Variants in EMP2 observed in about 807,000 individuals in gnomAD.
The protein encoded by EMP2 is epithelial membrane protein 2.
In EMP2, 19 loss-of-function variants were observed where a neutral mutation model predicts 13.7. That is an observed-to-expected ratio of 1.38 (90% CI 0.97 to 2.03). The LOEUF (loss-of-function observed/expected upper bound fraction) is 2.03. EMP2 is among the 30% of genes most tolerant of loss of function. The pLI, the probability that EMP2 is intolerant of heterozygous loss-of-function variation, is 0.00. For missense variants in EMP2, 253 were observed against 220.7 expected (o/e 1.15, Z -0.93); for synonymous variants, 97 against 84.7 (o/e 1.15, Z -0.80).
Position 10,567,579 on chromosome 16 carries a change from C to G in EMP2, c.-61+12970G>C, listed in dbSNP as rs1433770774. ...CCACAGCCCAGGGAGGGCCAGGAAG[C>G]TCAAGGTAAGGCCAGGTGTGGAGGG... On this transcript the variant is annotated intron_variant, in intron 1 of 4. Coordinates refer to ENST00000359543, the MANE Select transcript of EMP2 (RefSeq NM_001424.6). Among the ~76,000 whole-genome samples, 12 of 152,294 alleles carry G rather than the reference C, an allele frequency of 7.9e-5. No homozygotes were observed. The East Asian group carries it at 2.1e-3, about 27-fold the overall frequency.
intron 1 of EMP2, among the ~76,000 whole-genome samples, chr16:10,555,517 A>G (rs1301595609): frequency 2.0e-5 from 3 of 152,176 alleles, no homozygotes; most frequent in Non-Finnish European, 2.9e-5. Context: ...AGAAGATAAC[A>G]GAACCAAAAG....
In EMP2 at chr16:10,530,227, G is replaced by A. The variant is rs1596364827; in HGVS notation, c.*2678C>T. Reference sequence around the variant, plus strand: ...CTCCAAACTTCATGATGGCAGGGAGGATATCTGGATTTGCTCACCCCTGTA... The same window carrying A: ...CTCCAAACTTCATGATGGCAGGGAGAATATCTGGATTTGCTCACCCCTGTA... On this transcript the variant is annotated 3_prime_UTR_variant, in exon 5 of 5. Transcript: ENST00000359543. 6.6e-6 allele frequency: 1 copy of A among 152,234 alleles called. No individual in the cohort carries two copies. The highest frequency in any genetic ancestry group is 2.4e-5 in the African/African-American group (1 of 41,432). 9.4% of individuals were successfully genotyped at this position (152,234 alleles called of 1,614,324 possible).
chr16:10,566,345 G>A (rs1473947940), intron 1 of EMP2, among the ~76,000 whole-genome samples: 1 of 152,110 alleles, frequency 6.6e-6, no homozygotes. Context: ...AATACCCCCT[G>A]CCCCTAAAGT....
chr16:10,548,110 C>T (rs1009183248), intron 1 of EMP2, among the ~76,000 whole-genome samples: 2 of 152,140 alleles, frequency 1.3e-5, no homozygotes, highest in African/African-American at 2.4e-5. Context: ...CGCCTGGAGA[C>T]TTTACTGGAC....
Position 10,529,287 on chromosome 16 carries a change from A to G in EMP2, c.*3618T>C, listed in dbSNP as rs1487663193. On this transcript the variant is annotated 3_prime_UTR_variant, in exon 5 of 5. Coordinates refer to ENST00000359543, the MANE Select transcript of EMP2 (RefSeq NM_001424.6). ...ATTTTGTTGTTGTTATTGTTCTTGA[A>G]TAACTGGTAATAAGCACCAAGTGAG... is the stretch of plus-strand genomic sequence containing the variant. The G allele has an allele frequency of 6.6e-6, 1 of 152,214 alleles. No homozygotes were observed. Among genetic ancestry groups the G allele is most frequent in the Non-Finnish European group, 1.5e-5 (1 of 68,044 alleles). The allele number at this position is 152,214 out of a possible 1,614,324, so 9.4% of individuals were successfully genotyped here.
intron 1 of EMP2, among the ~76,000 whole-genome samples, chr16:10,568,351 T>C (rs529125532): frequency 6.6e-6 from 1 of 152,264 alleles, no homozygotes; most frequent in African/African-American, 2.4e-5. Flanking sequence ...CACCAATATA[T>C]GTATTTTATA....
rs1007025909 is a variant in EMP2, at chr16:10,531,811, C to T, written c.*1094G>A. On this transcript the variant is annotated 3_prime_UTR_variant, in exon 5 of 5. Transcript: ENST00000359543. ...TGAATGGTGGATGGGTCCTCTGAGG[C>T]TCTAGAAATAGGGGTGAGAGGCCAG... The T allele has an allele frequency of 6.5e-5, 10 of 154,646 alleles. No homozygotes were observed. The highest frequency in any genetic ancestry group is 2.2e-4 in the African/African-American group (9 of 41,410). The allele number at this position is 154,646 out of a possible 1,614,324, so 9.6% of individuals were successfully genotyped here.
At chr16:10,539,678 GA>G (rs1398275294) in intron 3 of EMP2, among the ~76,000 whole-genome samples, 1 of 152,086 alleles carries the variant, frequency 6.6e-6, no homozygotes, top group Non-Finnish European at 1.5e-5. Flanking sequence ...GAGCCCTTAA[GA>G]AGCCTGCGTT....
intron 1 of EMP2, chr16:10,578,052 G>C (rs752697838): frequency 6.6e-6 from 1 of 150,558 alleles, no homozygotes; most frequent in African/African-American, 2.5e-5. Flanking sequence ...GCAGTCCAGC[G>C]CCAGCCCATC....
chr16:10,550,105 C>T (rs1325333667), intron 1 of EMP2, among the ~76,000 whole-genome samples: 1 of 151,984 alleles, frequency 6.6e-6, no homozygotes, highest in African/African-American at 2.4e-5. Flanking sequence ...AGGCTGGTCT[C>T]GAACTCCTGA....
Position 10,532,958 on chromosome 16 carries a change from C to CA in EMP2, c.450_451insT (p.Ala151CysfsTer49). The CA allele has an allele frequency of 6.2e-7, 1 of 1,608,078 alleles. No homozygotes were observed. Among genetic ancestry groups the CA allele is most frequent in the Non-Finnish European group, 8.5e-7 (1 of 1,177,168 alleles). ...ATCATGCCGCTGATGAAGGTGCAGGCGAAGGCCACCCACGCCAGGATGTAG... is the reference window on the plus strand; with the variant it reads ...ATCATGCCGCTGATGAAGGTGCAGGCAGAAGGCCACCCACGCCAGGATGTAG... On this transcript the variant is annotated frameshift_variant, in exon 5 of 5. Coordinates refer to ENST00000359543, the MANE Select transcript of EMP2 (RefSeq NM_001424.6). LOFTEE classifies it high-confidence loss of function.
chr16:10,539,459 C>A (rs915093017), intron 3 of EMP2, among the ~76,000 whole-genome samples: 3 of 152,128 alleles, frequency 2.0e-5, no homozygotes, highest in African/African-American at 7.2e-5. Flanking sequence ...ATGACACACA[C>A]CACATGACCC....
intron 1 of EMP2, among the ~76,000 whole-genome samples, chr16:10,563,009 T>C (rs2050883327): frequency 6.6e-6 from 1 of 151,984 alleles, no homozygotes. Flanking sequence ...AGCATGAGAG[T>C]GAGGTTGATG....
intron 1 of EMP2, among the ~76,000 whole-genome samples, chr16:10,567,769 C>T (rs2050918051): frequency 6.6e-6 from 1 of 152,204 alleles, no homozygotes; most frequent in South Asian, 2.1e-4. Flanking sequence ...GATTCACATC[C>T]TCCCAGGGTT....
chr16:10,552,927 G>A (rs947463020), intron 1 of EMP2, among the ~76,000 whole-genome samples: 1 of 152,178 alleles, frequency 6.6e-6, no homozygotes, highest in Non-Finnish European at 1.5e-5. Context: ...AAGGTTTCTA[G>A]TACATGTAAA....
chr16:10,540,919 C>T (rs1426959248), intron 3 of EMP2, among the ~76,000 whole-genome samples: 3 of 152,050 alleles, frequency 2.0e-5, no homozygotes, highest in Non-Finnish European at 2.9e-5. Flanking sequence ...AAAACCCTGT[C>T]TCTACAGAAA....
chr16:10,554,401 C>T (rs1213099648), intron 1 of EMP2, among the ~76,000 whole-genome samples: 1 of 152,142 alleles, frequency 6.6e-6, no homozygotes, highest in African/African-American at 2.4e-5. Context: ...TCTTTGGCTC[C>T]TGACATAAGT....
intron 1 of EMP2, among the ~76,000 whole-genome samples, chr16:10,560,591 C>G (rs1308058918): frequency 6.6e-6 from 1 of 152,196 alleles, no homozygotes; most frequent in Non-Finnish European, 1.5e-5. Context: ...GTAAGGCATG[C>G]TCTGTGTGCC....
intron 1 of EMP2, among the ~76,000 whole-genome samples, chr16:10,573,824 T>C (rs190359662): frequency 4.6e-5 from 7 of 152,324 alleles, no homozygotes; most frequent in Admixed American, 6.5e-5. Context: ...TTTCTGTTTA[T>C]GTTTATATGA....
Sources: gnomAD v4.1 joint callset for allele counts (sites outside exome capture counted in the v4.1 genomes callset) on GRCh38, gnomAD v4.1.1 for gene constraint, MANE v1.5 for transcripts, NCBI Gene and HGNC (gene_info 2026-07-23, HGNC 2026-07-21) for gene names.